The following PTPN22 variants were observed in gnomAD, a reference collection of about 807,000 sequenced individuals.
PTPN22 encodes protein tyrosine phosphatase non-receptor type 22.
In PTPN22, 85 loss-of-function variants were observed where a neutral mutation model predicts 103.3. That is an observed-to-expected ratio of 0.82 (90% confidence interval 0.69 to 0.99). The LOEUF (loss-of-function observed/expected upper bound fraction) is 0.99, where lower values mean the gene tolerates loss of function less well. PTPN22 is among the 50% of genes least tolerant of loss of function. The probability of loss-of-function intolerance (pLI) is 0.00; values close to 1 mark genes in which losing one functional copy is unlikely to be tolerated. For synonymous variants in PTPN22, 323 were observed against 310.2 expected (o/e 1.04, Z -0.43); for missense variants, 865 against 936.9 (o/e 0.92, Z 1.00).
At position 113,859,406 on chromosome 1, in the gene PTPN22, C is replaced by T. The variant is rs762478985; in HGVS notation, c.142G>A (p.Val48Met). 7 of 1,613,996 alleles carry T rather than the reference C, an allele frequency of 4.3e-6. No individual in the cohort carries two copies. In the South Asian group the frequency reaches 6.6e-5, roughly 15 times the overall value. Residue 48 changes from valine to methionine, a missense_variant, in exon 2 of 21, where the codon GTG becomes ATG. Physicochemically the swap from Val to Met is conservative, Grantham distance 21. Around this residue, in one of 3 missense-constraint regions of PTPN22, gnomAD observed 457 missense variants for 529.1 expected, o/e 0.86. Coordinates refer to ENST00000359785, the Ensembl canonical transcript of PTPN22. ...TTGATATTCTTGGGCTTCTCAGCCA[C>T]AGTTGTAGGATAGGTTTTGTCTGCC...
chr1:113,819,676 A>G (rs764371270), intron 19 of PTPN22, 22 bp from the exon 20 acceptor site: 44 of 1,529,204 alleles, frequency 2.9e-5, no homozygotes, highest in Non-Finnish European at 3.1e-5. Context: ...AGAAAAAAAT[A>G]TAAGGGAAAG....
At chr1:113,858,715 C>A in intron 3 of PTPN22, 142 bp from the exon 4 acceptor site, 1 of 707,820 alleles carries the variant, frequency 1.4e-6, no homozygotes, top group South Asian at 2.0e-5. Flanking sequence ...TCACAGCTCA[C>A]TGCAGCCTTG....
At chr1:113,825,170 A>T (rs1661945268) in exon 19 of PTPN22, 6 of 1,494,432 alleles carry the variant, frequency 4.0e-6, no homozygotes, top group Non-Finnish European at 4.6e-6. Context: ...AAATTTTCAA[A>T]CTCTACAAAA....
intron 7 of PTPN22, 87 bp from the exon 8 acceptor site, chr1:113,855,136 G>T: frequency 1.7e-6 from 2 of 1,194,422 alleles, no homozygotes; most frequent in Non-Finnish European, 2.4e-6. Flanking sequence ...CTGGGTGATG[G>T]GATTATTCAG....
intron 20 of PTPN22, among the ~76,000 whole-genome samples, chr1:113,815,636 A>G (rs1661086610): frequency 6.6e-6 from 1 of 152,172 alleles, no homozygotes; most frequent in African/African-American, 2.4e-5. Context: ...TTTCAGCAAC[A>G]TGTGACTTTA....
At chr1:113,846,992 A>ATTTTTT (rs778146828) in intron 11 of PTPN22, among the ~76,000 whole-genome samples, 1 of 76,114 alleles carries the variant, frequency 1.3e-5, no homozygotes, top group Non-Finnish European at 2.6e-5. Flanking sequence ...CCAATGCTAG[A>ATTTTTT]TTTTTTTTTT....
At chr1:113,850,009 C>T (rs1384386820) in intron 10 of PTPN22, among the ~76,000 whole-genome samples, 1 of 151,884 alleles carries the variant, frequency 6.6e-6, no homozygotes, top group African/African-American at 2.4e-5. Flanking sequence ...GCCTGGCCAG[C>T]ATGGTGAAAC....
At chr1:113,865,298 T>A (rs951143652) in intron 1 of PTPN22, among the ~76,000 whole-genome samples, 1 of 152,200 alleles carries the variant, frequency 6.6e-6, no homozygotes, top group African/African-American at 2.4e-5. Context: ...TAAAGTACTA[T>A]TTTATGCTAG....
Position 113,864,260 on chromosome 1 carries a change from C to T in PTPN22, c.88-4800G>A, listed in dbSNP as rs1402282308. Reference sequence around the variant, plus strand: ...CTTTCTCTGGCCAGGTGTGGTGGCTCATGGTTGTAATCTCAGCACTTTGGG... The same window carrying T: ...CTTTCTCTGGCCAGGTGTGGTGGCTTATGGTTGTAATCTCAGCACTTTGGG... On this transcript the variant is annotated intron_variant, in intron 1 of 20. Coordinates refer to ENST00000359785, the Ensembl canonical transcript of PTPN22. 6.6e-6 allele frequency: 3 copies of T among 453,566 alleles called. No individual in the cohort carries two copies. In the East Asian group the frequency reaches 2.1e-4, roughly 32 times the overall value. 28.1% of individuals were successfully genotyped at this position (453,566 alleles called of 1,614,324 possible). A position where few individuals can be genotyped will look rare whatever the true frequency, so the allele number is the denominator to read the frequency against.
intron 1 of PTPN22, among the ~76,000 whole-genome samples, chr1:113,865,511 A>G (rs1666051420): frequency 6.6e-6 from 1 of 152,260 alleles, no homozygotes; most frequent in East Asian, 1.9e-4. Flanking sequence ...TGCCTAGTAC[A>G]TAGTAAGTAG....
intron 1 of PTPN22, among the ~76,000 whole-genome samples, chr1:113,865,113 A>T (rs1666013558): frequency 6.6e-6 from 1 of 152,192 alleles, no homozygotes; most frequent in Admixed American, 6.5e-5. Flanking sequence ...TTGGGAGGTA[A>T]ATGAAGTTCT....
chr1:113,862,342 T>C (rs956956722), intron 1 of PTPN22, among the ~76,000 whole-genome samples: 2 of 151,912 alleles, frequency 1.3e-5, no homozygotes, highest in African/African-American at 2.4e-5. Context: ...TCAACATCCC[T>C]CGTGGGCCCT....
chr1:113,841,596 CTT>C (rs35197593), intron 11 of PTPN22, among the ~76,000 whole-genome samples: 116 of 138,428 alleles, frequency 8.4e-4, no homozygotes, highest in Admixed American at 7.2e-4. Flanking sequence ...GTAAACAACT[CTT>C]TTTTTTTTTT....
chr1:113,850,343 A>G (rs1664479109), intron 10 of PTPN22, among the ~76,000 whole-genome samples: 1 of 152,230 alleles, frequency 6.6e-6, no homozygotes, highest in African/African-American at 2.4e-5. Flanking sequence ...TCCTGGTTAC[A>G]GTAGTGTCAG....
At chr1:113,849,503 T>C (rs1455677430) in intron 10 of PTPN22, among the ~76,000 whole-genome samples, 1 of 151,994 alleles carries the variant, frequency 6.6e-6, no homozygotes, top group Non-Finnish European at 1.5e-5. Context: ...AAAGAACAAT[T>C]TTTTTTCAAA....
intron 11 of PTPN22, among the ~76,000 whole-genome samples, chr1:113,848,207 C>T (rs891488506): frequency 6.9e-5 from 10 of 145,412 alleles, no homozygotes; most frequent in Non-Finnish European, 1.4e-4. Flanking sequence ...CCCCACCACT[C>T]CTGGCTAAAT....
At chr1:113,862,948 A>C (rs1010269637) in intron 1 of PTPN22, among the ~76,000 whole-genome samples, 5 of 152,232 alleles carry the variant, frequency 3.3e-5, no homozygotes, top group Non-Finnish European at 7.3e-5. Context: ...CAAGACTGAC[A>C]AACTTATCGA....
chr1:113,853,615 G>C (rs1664762911), intron 9 of PTPN22, among the ~76,000 whole-genome samples: 1 of 151,848 alleles, frequency 6.6e-6, no homozygotes, highest in Admixed American at 6.6e-5. Context: ...CTCCCAAAGT[G>C]CTGGGATTAC....
At chr1:113,842,535 G>A (rs994779563) in intron 11 of PTPN22, among the ~76,000 whole-genome samples, 2 of 152,024 alleles carry the variant, frequency 1.3e-5, no homozygotes, top group Admixed American at 6.6e-5. Context: ...TTATCTGGGC[G>A]TGGTGGCATG....
Sources: allele counts gnomAD v4.1 joint callset (sites outside exome capture counted in the v4.1 genomes callset), GRCh38; gene constraint gnomAD v4.1.1; regional missense constraint gnomAD v4.1.1; transcripts MANE v1.5; gene names NCBI Gene and HGNC (gene_info 2026-07-23, HGNC 2026-07-21).